The following VSNL1 variants were observed in gnomAD, a reference collection of about 807,000 sequenced individuals.
VSNL1 encodes the protein visinin like 1.
Under a neutral mutation model 20.4 loss-of-function variants are expected in VSNL1, and 6 were observed. The observed-to-expected ratio is 0.29, with a 90% CI of 0.16 to 0.58. The LOEUF is 0.58. Among genes scored for constraint, VSNL1 ranks in the 20% least tolerant of loss-of-function variants. The pLI, the probability that VSNL1 is intolerant of heterozygous loss-of-function variation, is 0.90. For missense variants in VSNL1, 100 were observed against 234.5 expected (o/e 0.43, Z 3.75); for synonymous variants, 93 against 86.4 (o/e 1.08, Z -0.42).
chr2:17,586,389 G>A (rs373072524), intron 1 of VSNL1, among the ~76,000 whole-genome samples: 1 of 152,216 alleles, frequency 6.6e-6, no homozygotes, highest in African/African-American at 2.4e-5. Context: ...AACCAAGGGT[G>A]ATTCTTGTAT....
chr2:17,555,959 C>T (rs1663666148), intron 1 of VSNL1, among the ~76,000 whole-genome samples: 1 of 152,138 alleles, frequency 6.6e-6, no homozygotes, highest in South Asian at 2.1e-4. Context: ...AGCTAATGGT[C>T]TAAAGCAGGA....
At chr2:17,602,574 C>G (rs12995069) in intron 2 of VSNL1, among the ~76,000 whole-genome samples, 2 of 151,956 alleles carry the variant, frequency 1.3e-5, no homozygotes, top group African/African-American at 4.8e-5. Flanking sequence ...GAAACTCTGT[C>G]TCTACTAAAG....
chr2:17,573,363 A>C (rs890621075), intron 1 of VSNL1, among the ~76,000 whole-genome samples: 2 of 152,120 alleles, frequency 1.3e-5, no homozygotes, highest in African/African-American at 4.8e-5. Context: ...AAATGGTCAG[A>C]TATTTATTCT....
chr2:17,603,845 T>A (rs569449452), intron 2 of VSNL1, among the ~76,000 whole-genome samples: 1 of 152,330 alleles, frequency 6.6e-6, no homozygotes, highest in South Asian at 2.1e-4. Flanking sequence ...TCCTCATAAA[T>A]GTCCCAGTGA....
chr2:17,580,889 C>T (rs1295987959), intron 1 of VSNL1, among the ~76,000 whole-genome samples: 1 of 152,108 alleles, frequency 6.6e-6, no homozygotes, highest in Non-Finnish European at 1.5e-5. Context: ...ATGTTATATG[C>T]TCATTATAAA....
chr2:17,592,300 T>G, intron 2 of VSNL1, 64 bp downstream of exon 2: 1 of 1,528,448 alleles, frequency 6.5e-7, no homozygotes, highest in Non-Finnish European at 9.0e-7. Context: ...CATGAAATTG[T>G]ACCCTCACAT....
chr2:17,586,355 C>A (rs886325579), intron 1 of VSNL1, among the ~76,000 whole-genome samples: 2 of 152,198 alleles, frequency 1.3e-5, no homozygotes, highest in African/African-American at 4.8e-5. Flanking sequence ...GGGATCAACC[C>A]ACTAAGCTGT....
At chr2:17,625,313 A>G (rs1390580297) in intron 2 of VSNL1, among the ~76,000 whole-genome samples, 1 of 152,196 alleles carries the variant, frequency 6.6e-6, no homozygotes, top group African/African-American at 2.4e-5. Context: ...GCTCAGTTCA[A>G]AGTACCCTGG....
At chr2:17,565,960 A>G (rs1663930372) in intron 1 of VSNL1, among the ~76,000 whole-genome samples, 1 of 152,124 alleles carries the variant, frequency 6.6e-6, no homozygotes, top group Non-Finnish European at 1.5e-5. Context: ...TCCCGCCACC[A>G]TGTGAAGAAG....
chr2:17,627,959 G>T (rs1572208725), intron 2 of VSNL1, among the ~76,000 whole-genome samples: 1 of 152,368 alleles, frequency 6.6e-6, no homozygotes, highest in East Asian at 1.9e-4. Context: ...AACAAGGACA[G>T]TATAGAGGTT....
At chr2:17,612,678 C>T (rs1665117983) in intron 2 of VSNL1, among the ~76,000 whole-genome samples, 1 of 152,092 alleles carries the variant, frequency 6.6e-6, no homozygotes, top group South Asian at 2.1e-4. Context: ...GGAGGTGAGA[C>T]CAACATCTAT....
rs577471307 is a variant in VSNL1, at chr2:17,642,309, C to CTTTTTTTTTTTTTTTTT, written c.163-7100_163-7084dup. ...CTGGCTTTTCCCATGGTGAGCATTC[C>CTTTTTTTTTTTTTTTTT]TTTTTTTTTTTTTTTTTGAGACAGA... is the stretch of plus-strand genomic sequence containing the variant. On this transcript the variant is annotated intron_variant, in intron 2 of 3. Transcript: ENST00000295156. Among the ~76,000 whole-genome samples, 79 of 93,222 alleles carry CTTTTTTTTTTTTTTTTT rather than the reference C, an allele frequency of 8.5e-4. 11 individuals carry two copies. Among genetic ancestry groups the CTTTTTTTTTTTTTTTTT allele is most frequent in the South Asian group, 1.5e-3 (4 of 2,586 alleles). 61.2% of individuals were successfully genotyped at this position (93,222 alleles called of 152,430 possible).
chr2:17,546,464 A>T (rs1353327124), intron 1 of VSNL1, among the ~76,000 whole-genome samples: 1 of 151,598 alleles, frequency 6.6e-6, no homozygotes, highest in Non-Finnish European at 1.5e-5. Flanking sequence ...ACCTGGGTGA[A>T]TTTTTTCTAA....
At chr2:17,617,991 A>G (rs1344886183) in intron 2 of VSNL1, among the ~76,000 whole-genome samples, 1 of 152,080 alleles carries the variant, frequency 6.6e-6, no homozygotes, top group Non-Finnish European at 1.5e-5. Flanking sequence ...GCATGGCAGC[A>G]CCTTTCTTAC....
chr2:17,563,331 C>T (rs1466890073), intron 1 of VSNL1, among the ~76,000 whole-genome samples: 1 of 152,148 alleles, frequency 6.6e-6, no homozygotes, highest in Non-Finnish European at 1.5e-5. Context: ...CAGATTCAGG[C>T]CTGTTGGACT....
At chr2:17,603,987 G>A (rs544940064) in intron 2 of VSNL1, among the ~76,000 whole-genome samples, 1 of 152,108 alleles carries the variant, frequency 6.6e-6, no homozygotes, top group Non-Finnish European at 1.5e-5. Context: ...TCAACACCAG[G>A]GGGGTCAGCA....
At chr2:17,595,374 C>T (rs1029913978) in intron 2 of VSNL1, among the ~76,000 whole-genome samples, 18 of 152,278 alleles carry the variant, frequency 1.2e-4, no homozygotes, top group Middle Eastern at 3.4e-3. Context: ...AGATGTGATT[C>T]ACCACAATGT....
At chr2:17,606,010 T>G (rs551825288) in intron 2 of VSNL1, among the ~76,000 whole-genome samples, 10 of 152,312 alleles carry the variant, frequency 6.6e-5, no homozygotes, top group African/African-American at 2.2e-4. Flanking sequence ...ATAAGGGTAT[T>G]TGAGGTTGGT....
At chr2:17,651,203 C>T (rs935485808) in intron 3 of VSNL1, among the ~76,000 whole-genome samples, 1 of 152,184 alleles carries the variant, frequency 6.6e-6, no homozygotes, top group Non-Finnish European at 1.5e-5. Flanking sequence ...CTTGTCAATG[C>T]CCTTCAGCCA....
Sources: gnomAD v4.1 joint callset for allele counts (sites outside exome capture counted in the v4.1 genomes callset) on GRCh38, gnomAD v4.1.1 for gene constraint, MANE v1.5 for transcripts, NCBI Gene and HGNC (gene_info 2026-07-23, HGNC 2026-07-21) for gene names.